Variants in PDE8B observed in about 807,000 individuals in gnomAD.
The protein encoded by PDE8B is phosphodiesterase 8B, also known as high affinity cAMP-specific and IBMX-insensitive 3',5'-cyclic phosphodiesterase 8B.
In PDE8B, 26 loss-of-function variants were observed where a neutral mutation model predicts 101.3. The observed-to-expected ratio is 0.26, with a 90% CI of 0.19 to 0.36. The LOEUF is 0.36. PDE8B is among the 10% of genes least tolerant of loss of function. PDE8B has a pLI of 1.00. For missense variants in PDE8B, 810 were observed against 1,163.1 expected (o/e 0.70, Z 4.42); for synonymous variants, 424 against 429.3 (o/e 0.99, Z 0.15).
chr5:77,235,425 T>C (rs1754456657), intron 1 of PDE8B, among the ~76,000 whole-genome samples: 1 of 152,222 alleles, frequency 6.6e-6, no homozygotes. Flanking sequence ...CAGGATTCTC[T>C]GGGACATGCT....
chr5:77,173,847 A>G, the PDE8B span, among the ~76,000 whole-genome samples: 2 of 151,926 alleles, frequency 1.3e-5, no homozygotes, highest in African/African-American at 4.8e-5. Context: ...CATGCGTTTT[A>G]TTTTCTATGA....
chr5:77,312,094 C>CT (rs745327805), intron 2 of PDE8B, 41 bp downstream of exon 2: 4,978 of 1,084,222 alleles, frequency 4.6e-3, no homozygotes, highest in Non-Finnish European at 5.3e-3. Flanking sequence ...AGATTATTTT[C>CT]TTTTTTTTTT....
chr5:77,265,428 T>G (rs1273799580), intron 1 of PDE8B, among the ~76,000 whole-genome samples: 1 of 152,212 alleles, frequency 6.6e-6, no homozygotes, highest in Non-Finnish European at 1.5e-5. Flanking sequence ...AGTTCATCAG[T>G]GTCTTTAGTA....
intron 1 of PDE8B, among the ~76,000 whole-genome samples, chr5:77,284,357 A>G (rs1765579940): frequency 6.6e-6 from 1 of 152,168 alleles, no homozygotes; most frequent in Non-Finnish European, 1.5e-5. Context: ...TACTTCTTTC[A>G]TGGTCATGCC....
At chr5:77,178,646 C>A in the PDE8B span, among the ~76,000 whole-genome samples, 1 of 152,146 alleles carries the variant, frequency 6.6e-6, no homozygotes, top group African/African-American at 2.4e-5. Flanking sequence ...TTTACAATAA[C>A]ACATATTTAT....
chr5:77,179,791 C>T, the PDE8B span, among the ~76,000 whole-genome samples: 1 of 152,068 alleles, frequency 6.6e-6, no homozygotes, highest in East Asian at 1.9e-4. Flanking sequence ...GAATTCCTGG[C>T]CTCGAGAGAT....
chr5:77,332,324 A>G (rs561560317), intron 5 of PDE8B, among the ~76,000 whole-genome samples: 1 of 152,340 alleles, frequency 6.6e-6, no homozygotes, highest in South Asian at 2.1e-4. Context: ...CCCTTAGGAG[A>G]ATAATAGGAT....
chr5:77,312,748 T>C (rs1337750783), intron 2 of PDE8B, among the ~76,000 whole-genome samples: 1 of 152,268 alleles, frequency 6.6e-6, no homozygotes. Flanking sequence ...TGCCTAGAAC[T>C]TTCTCTGGCA....
At chr5:77,096,819 G>A in the PDE8B span, among the ~76,000 whole-genome samples, 1 of 152,200 alleles carries the variant, frequency 6.6e-6, no homozygotes, top group South Asian at 2.1e-4. Flanking sequence ...TTCTTATAAG[G>A]ATACCGGTTA....
At chr5:77,355,416 G>A (rs1781898211) in intron 10 of PDE8B, among the ~76,000 whole-genome samples, 1 of 152,128 alleles carries the variant, frequency 6.6e-6, no homozygotes, top group Admixed American at 6.5e-5. Flanking sequence ...AATGGCAATG[G>A]GATCTGTGCT....
intron 1 of PDE8B, among the ~76,000 whole-genome samples, chr5:77,258,545 T>G (rs2149679741): frequency 6.6e-6 from 1 of 152,252 alleles, no homozygotes; most frequent in East Asian, 1.9e-4. Context: ...AAACAGTAGG[T>G]GACAAAGAAC....
At chr5:77,153,482 C>T in the PDE8B span, among the ~76,000 whole-genome samples, 5 of 151,624 alleles carry the variant, frequency 3.3e-5, no homozygotes, top group African/African-American at 1.2e-4. Context: ...AGGGGGAGGG[C>T]TGGGGATAGA....
chr5:77,385,635 T>C (rs1435168692), intron 10 of PDE8B, among the ~76,000 whole-genome samples: 1 of 152,138 alleles, frequency 6.6e-6, no homozygotes, highest in Non-Finnish European at 1.5e-5. Context: ...CCTCAAACAC[T>C]GCTTTAAATG....
chr5:77,332,999 C>T (rs997248027), intron 5 of PDE8B, among the ~76,000 whole-genome samples: 2 of 130,536 alleles, frequency 1.5e-5, no homozygotes, highest in Non-Finnish European at 1.6e-5. Context: ...TATATATATT[C>T]CTGTTAGTTG....
chr5:77,409,825 C>A (rs1463007739), intron 14 of PDE8B, among the ~76,000 whole-genome samples: 1 of 152,252 alleles, frequency 6.6e-6, no homozygotes, highest in Non-Finnish European at 1.5e-5. Flanking sequence ...AGGTTTCTGT[C>A]CAGCCCTGCA....
the PDE8B span, among the ~76,000 whole-genome samples, chr5:77,163,936 T>TC: frequency 6.6e-6 from 1 of 152,210 alleles, no homozygotes; most frequent in Non-Finnish European, 1.5e-5. Context: ...GTTGTCTTCT[T>TC]CTTTGTACTC....
chr5:77,107,208 A>G, the PDE8B span, among the ~76,000 whole-genome samples: 1 of 152,290 alleles, frequency 6.6e-6, no homozygotes, highest in South Asian at 2.1e-4. Flanking sequence ...AGCTTCATCC[A>G]TGTCCCTACA....
At chr5:77,409,207 G>A in intron 14 of PDE8B, 150 bp downstream of exon 14, 3 of 710,408 alleles carry the variant, frequency 4.2e-6, no homozygotes, top group Non-Finnish European at 7.5e-6. Context: ...CAGAATTTAT[G>A]TATAACATGT....
At chr5:77,338,452 C>G (rs770368867) in intron 6 of PDE8B, among the ~76,000 whole-genome samples, 4 of 152,128 alleles carry the variant, frequency 2.6e-5, no homozygotes, top group Non-Finnish European at 4.4e-5. Flanking sequence ...AAAAGAATCT[C>G]AAACCAGTGG....
Sources: gnomAD v4.1 joint callset for allele counts (sites outside exome capture counted in the v4.1 genomes callset) on GRCh38, gnomAD v4.1.1 for gene constraint, MANE v1.5 for transcripts, NCBI Gene and HGNC (gene_info 2026-07-23, HGNC 2026-07-21) for gene names.